ARFGEF1: variants seen among roughly 807,000 people sequenced by gnomAD.
ARFGEF1 encodes brefeldin A-inhibited guanine nucleotide-exchange protein 1.
Under a neutral mutation model 231.0 loss-of-function variants are expected in ARFGEF1, and 42 were observed. The ratio of observed to expected loss-of-function variants is 0.18; its 90% CI spans 0.14 to 0.24. The LOEUF (loss-of-function observed/expected upper bound fraction) is 0.24. ARFGEF1 is among the 10% of genes least tolerant of loss of function. The pLI, the probability that ARFGEF1 is intolerant of heterozygous loss-of-function variation, is 1.00. For synonymous variants in ARFGEF1, 710 were observed against 732.3 expected (o/e 0.97, Z 0.49); for missense variants, 1,345 against 2,192.0 (o/e 0.61, Z 7.72).
chr8:67,210,562 G>A (rs1238569191), intron 34 of ARFGEF1, among the ~76,000 whole-genome samples: 1 of 152,126 alleles, frequency 6.6e-6, no homozygotes, highest in African/African-American at 2.4e-5. Flanking sequence ...GTTGCAGATG[G>A]GTAGAGGAAG....
chr8:67,228,663 CG>C (rs1208486829), intron 23 of ARFGEF1, among the ~76,000 whole-genome samples: 3 of 151,946 alleles, frequency 2.0e-5, no homozygotes, highest in Non-Finnish European at 4.4e-5. Flanking sequence ...AAAAATTTGA[CG>C]TATTTTTACC....
rs1808764563 is a variant in ARFGEF1, at chr8:67,343,619, C to T, written c.-332G>A. On this transcript the variant is annotated 5_prime_UTR_variant, in exon 1 of 39. Transcript: ENST00000262215. ...CTGGTGGCGGTGAGGGAGCCCGGCC[C>T]GGGCGGCTGTCTGCCGGGAACTGAG... 1 of 1,035,572 alleles carries T rather than the reference C, an allele frequency of 9.7e-7. No individual in the cohort carries two copies. Among genetic ancestry groups the T allele is most frequent in the Non-Finnish European group, 1.2e-6 (1 of 863,138 alleles). The allele number at this position is 1,035,572 out of a possible 1,614,324, so 64.1% of individuals were successfully genotyped here. A position where few individuals can be genotyped will look rare whatever the true frequency, so the allele number is the denominator to read the frequency against.
At chr8:67,190,592 C>T in intron 5 of ARFGEF1, 1 of 1,296,668 alleles carries the variant, frequency 7.7e-7, no homozygotes, top group South Asian at 1.2e-5. Flanking sequence ...CTTGGTTTAG[C>T]TCTGGGTAAG....
At chr8:67,204,998 A>C (rs1838461309) in intron 34 of ARFGEF1, among the ~76,000 whole-genome samples, 179 bp from the exon 35 acceptor site, 1 of 152,202 alleles carries the variant, frequency 6.6e-6, no homozygotes, top group African/African-American at 2.4e-5. Context: ...ATATTTAGAA[A>C]AGCCTCGGAA....
intron 1 of ARFGEF1, among the ~76,000 whole-genome samples, 189 bp from the exon 2 acceptor site, chr8:67,302,655 T>C (rs377436774): frequency 3.9e-5 from 6 of 152,170 alleles, no homozygotes; most frequent in African/African-American, 9.6e-5. Context: ...TAAAACTATA[T>C]GAATAGGTAC....
At chr8:67,186,086 C>T (rs1445357370) in intron 5 of ARFGEF1, among the ~76,000 whole-genome samples, 2 of 152,150 alleles carry the variant, frequency 1.3e-5, no homozygotes, top group Admixed American at 1.3e-4. Context: ...AGATCTCTGG[C>T]AGTGGAGGAA....
intron 1 of ARFGEF1, among the ~76,000 whole-genome samples, chr8:67,329,328 G>A (rs1268357872): frequency 1.3e-5 from 2 of 151,866 alleles, no homozygotes; most frequent in African/African-American, 2.4e-5. Context: ...TGAGGCAGGC[G>A]ACCATCCTGG....
At chr8:67,318,020 G>A (rs538377401) in intron 1 of ARFGEF1, among the ~76,000 whole-genome samples, 3 of 151,670 alleles carry the variant, frequency 2.0e-5, no homozygotes, top group South Asian at 2.1e-4. Flanking sequence ...GGTGGATCAC[G>A]AGGTCAGGAG....
chr8:67,190,762 A>G, intron 5 of ARFGEF1: 1 of 1,593,568 alleles, frequency 6.3e-7, no homozygotes, highest in Non-Finnish European at 8.6e-7. Context: ...TAGACATTGT[A>G]TGTATGAGAC....
intron 29 of ARFGEF1, among the ~76,000 whole-genome samples, chr8:67,222,258 TGTATGTATGTA>T (rs1402474870): frequency 2.3e-4 from 33 of 142,778 alleles, no homozygotes; most frequent in Middle Eastern, 7.4e-3. Context: ...TATGTATGTA[TGTATGTATGTA>T]TTTTTTTTTT....
At chr8:67,263,889 G>C (rs1177630561) in intron 14 of ARFGEF1, among the ~76,000 whole-genome samples, 1 of 152,038 alleles carries the variant, frequency 6.6e-6, no homozygotes, top group Non-Finnish European at 1.5e-5. Flanking sequence ...GGTGACTCTG[G>C]AACTATTTTG....
In ARFGEF1 at chr8:67,217,664, C is replaced by T. The variant is rs113694780; in HGVS notation, c.4613+118G>A. On this transcript the variant is annotated intron_variant, in intron 32 of 38. Transcript: ENST00000262215. ...TAAATCCATGTAAGAGTAAGACAAG[C>T]TTAAAAGGATTTCTGTTATGAGAAA... 691 of 1,116,478 alleles carry T rather than the reference C, an allele frequency of 6.2e-4. 6 individuals are homozygous for T. In the African/African-American group the frequency reaches 1.0e-2, roughly 16 times the overall value. The allele number at this position is 1,116,478 out of a possible 1,614,324, so 69.2% of individuals were successfully genotyped here.
chr8:67,332,370 A>G lies in ARFGEF1; in HGVS notation c.124+10794T>C, dbSNP rs575350931. ...GTTTTAAACGGTTAGGCATAGAAGCACAATAAAAGCTAACCTATCCTGAAT... is the reference window on the plus strand; with the variant it reads ...GTTTTAAACGGTTAGGCATAGAAGCGCAATAAAAGCTAACCTATCCTGAAT... On this transcript the variant is annotated intron_variant, in intron 1 of 38. Transcript: ENST00000262215. Among the ~76,000 whole-genome samples, 16 of 152,342 alleles carry G rather than the reference A, an allele frequency of 1.1e-4. No individual in the cohort carries two copies. In the South Asian group the frequency reaches 3.3e-3, roughly 32 times the overall value.
intron 23 of ARFGEF1, 85 bp from the exon 24 acceptor site, chr8:67,228,349 T>C: frequency 7.7e-7 from 1 of 1,305,950 alleles, no homozygotes; most frequent in Non-Finnish European, 1.1e-6. Flanking sequence ...GGGTACTAGC[T>C]ATTTTTATGT....
At chr8:67,192,051 A>G (rs1586940966) in intron 5 of ARFGEF1, among the ~76,000 whole-genome samples, 1 of 147,572 alleles carries the variant, frequency 6.8e-6, no homozygotes, top group South Asian at 2.1e-4. Context: ...GTCTATTCAA[A>G]TCCTTTGCTG....
intron 17 of ARFGEF1, among the ~76,000 whole-genome samples, chr8:67,255,327 T>C (rs1840420746): frequency 6.6e-6 from 1 of 152,232 alleles, no homozygotes. Context: ...TGTGCTTGTA[T>C]TAAGCTGTGC....
At chr8:67,271,039 AAAAAG>A (rs1805071121) in intron 10 of ARFGEF1, among the ~76,000 whole-genome samples, 1 of 138,502 alleles carries the variant, frequency 7.2e-6, no homozygotes, top group Non-Finnish European at 1.6e-5. Flanking sequence ...AAAAAAAAAA[AAAAAG>A]GAAAAAGAAA....
chr8:67,183,956 G>A lies in ARFGEF1; in HGVS notation c.561-8384C>T, dbSNP rs1336209307. ...CAACCTCCGCCTCCCGGGTTCAAGC[G>A]ATTCTCCTGACTCAGTCTCCCAAGT... On this transcript the variant is annotated intron_variant, in intron 5 of 5. Transcript: ENST00000518789. Among the ~76,000 whole-genome samples, 10 of 149,214 alleles carry A rather than the reference G, an allele frequency of 6.7e-5. No homozygotes were observed. The East Asian group carries it at 1.8e-3, about 27-fold the overall frequency.
At chr8:67,227,049 T>C (rs1403093119) in intron 27 of ARFGEF1, 88 bp downstream of exon 27, 10 of 1,267,026 alleles carry the variant, frequency 7.9e-6, no homozygotes, top group South Asian at 1.6e-5. Flanking sequence ...AAGGCCATAA[T>C]CTTATTGTTA....
Sources: gnomAD v4.1 joint callset for allele counts (sites outside exome capture counted in the v4.1 genomes callset) on GRCh38, gnomAD v4.1.1 for gene constraint, MANE v1.5 for transcripts, NCBI Gene and HGNC (gene_info 2026-07-23, HGNC 2026-07-21) for gene names.